Variants in RNFT1 observed in about 807,000 individuals in gnomAD.
RNFT1 encodes the protein ring finger protein, transmembrane 1, also known as E3 ubiquitin-protein ligase RNFT1.
A neutral mutation model predicts 53.2 loss-of-function variants in RNFT1; 35 were observed. The ratio of observed to expected loss-of-function variants is 0.66; its 90% CI spans 0.50 to 0.87. RNFT1 has a LOEUF of 0.87. Ranked by LOEUF, RNFT1 falls within the 40% of genes least tolerant of loss-of-function variation. RNFT1 has a pLI of 0.00. For missense variants in RNFT1, 421 were observed against 515.0 expected (o/e 0.82, Z 1.77); for synonymous variants, 141 against 172.8 (o/e 0.82, Z 1.44).
intron 1 of RNFT1, among the ~76,000 whole-genome samples, chr17:59,964,080 ATCTC>A (rs1197558672): frequency 6.6e-6 from 1 of 152,082 alleles, no homozygotes; most frequent in South Asian, 2.1e-4. Context: ...GCAGAGAAAG[ATCTC>A]TCTAATAAAT....
intron 7 of RNFT1, among the ~76,000 whole-genome samples, chr17:59,954,364 T>C (rs1027306580): frequency 2.0e-5 from 3 of 152,194 alleles, no homozygotes; most frequent in East Asian, 3.8e-4. Flanking sequence ...TTTTGAAAGA[T>C]TGTTAGATCT....
chr17:59,959,411 C>T (rs768699257), intron 4 of RNFT1: 1 of 152,160 alleles, frequency 6.6e-6, no homozygotes, highest in African/African-American at 2.4e-5. Flanking sequence ...GCTGAAAATT[C>T]AGAATACTCC....
chr17:59,958,391 CA>C lies in RNFT1; in HGVS notation c.745del (p.Trp249GlyfsTer10). The C allele has an allele frequency of 6.2e-7, 1 of 1,600,648 alleles. No homozygotes were observed. The highest frequency in any genetic ancestry group is 1.8e-5 in the Admixed American group (1 of 56,404). ...AATGAAGTCTGTAATTCCAACAATCCAAAATACTTCCCAGAAGCTCAAATGG... is the reference window on the plus strand; with the variant it reads ...AATGAAGTCTGTAATTCCAACAATCCAAATACTTCCCAGAAGCTCAAATGG... ...LDHLSFWEVF[W>X]IVGITDFILK... is the part of the protein sequence containing the mutation. On this transcript the variant is annotated frameshift_variant, in exon 5 of 9. Transcript: ENST00000305783. LOFTEE classifies it high-confidence loss of function.
At chr17:59,958,868 GAAT>G (rs2145117480) in intron 4 of RNFT1, among the ~76,000 whole-genome samples, 1 of 152,180 alleles carries the variant, frequency 6.6e-6, no homozygotes, top group East Asian at 1.9e-4. Flanking sequence ...TTCCCTCCCT[GAAT>G]AATTTTCTTT....
At chr17:59,955,090 C>T (rs1019475944) in intron 7 of RNFT1, among the ~76,000 whole-genome samples, 1 of 152,168 alleles carries the variant, frequency 6.6e-6, no homozygotes, top group Admixed American at 6.5e-5. Context: ...CAGTCACGGT[C>T]ATGAGGGTAA....
In RNFT1 at chr17:59,958,407, A is replaced by G. The variant is rs1201747604; in HGVS notation, c.730T>C (p.Phe244Leu). Residue 244 changes from phenylalanine (F) to leucine (L), a missense_variant, in exon 5 of 9, where the codon TTC (phenylalanine) becomes CTC (leucine). Physicochemically the swap from Phe to Leu is conservative, Grantham distance 22. Coordinates refer to ENST00000305783, the MANE Select transcript of RNFT1 (RefSeq NM_016125.4). ...FLNPTLDHLS[F>L]WEVFWIVGIT... Reference sequence around the variant, plus strand: ...CCAACAATCCAAAATACTTCCCAGAAGCTCAAATGGTCCAAAGTAGGATTT... The same window carrying G: ...CCAACAATCCAAAATACTTCCCAGAGGCTCAAATGGTCCAAAGTAGGATTT... 6.3e-7 allele frequency: 1 copy of G among 1,594,468 alleles called. No homozygotes were observed. Among genetic ancestry groups the G allele is most frequent in the Non-Finnish European group, 8.5e-7 (1 of 1,175,394 alleles).
intron 5 of RNFT1, among the ~76,000 whole-genome samples, chr17:59,957,881 A>ATC (rs2045264001): frequency 6.6e-6 from 1 of 152,104 alleles, no homozygotes; most frequent in South Asian, 2.1e-4. Context: ...ATACAATGAG[A>ATC]ATGTTTTATG....
At chr17:59,963,323 A>C in intron 1 of RNFT1, 39 bp from the exon 2 acceptor site, 2 of 1,545,942 alleles carry the variant, frequency 1.3e-6, no homozygotes, top group South Asian at 1.1e-5. Context: ...GTAAACAGGC[A>C]GTTAAATACC....
intron 7 of RNFT1, among the ~76,000 whole-genome samples, chr17:59,955,311 T>G (rs1435566983): frequency 6.6e-6 from 1 of 152,152 alleles, no homozygotes; most frequent in Non-Finnish European, 1.5e-5. Flanking sequence ...TTTAGCAAAG[T>G]ACATTTGCAG....
At position 59,952,754 on chromosome 17, in the gene RNFT1, G is replaced by C. The variant is rs2045228934; in HGVS notation, c.*223C>G. 2 of 354,308 alleles carry C rather than the reference G, an allele frequency of 5.6e-6. No homozygotes were observed. Among genetic ancestry groups the C allele is most frequent in the East Asian group, 4.4e-5 (1 of 22,752 alleles). The allele number at this position is 354,308 out of a possible 1,614,324, so 21.9% of individuals were successfully genotyped here. A position where few individuals can be genotyped will look rare whatever the true frequency, so the allele number is the denominator to read the frequency against. On this transcript the variant is annotated 3_prime_UTR_variant, in exon 9 of 9. Transcript: ENST00000305783. ...ACTGCAGTTACCTGTCAAATAATTA[G>C]AATAGAATAAATGTTGCATATACAT...
chr17:59,956,754 A>C (rs2045256684), intron 6 of RNFT1, among the ~76,000 whole-genome samples: 1 of 152,238 alleles, frequency 6.6e-6, no homozygotes, highest in African/African-American at 2.4e-5. Context: ...ACATTTAAAC[A>C]CCTAGAGTAA....
Position 59,957,277 on chromosome 17 carries a change from C to G in RNFT1, c.952G>C (p.Val318Leu). Residue 318 changes from valine to leucine, a missense_variant, in exon 6 of 9, where the codon GTA becomes CTA. By Grantham distance (32) the Val-to-Leu change is conservative. Coordinates refer to ENST00000305783, the MANE Select transcript of RNFT1 (RefSeq NM_016125.4). ...AGTATCCCAAGACTCCATCTAGTTACGTTACCAAACTCCCCATAGCTTATA... is the reference window on the plus strand; with the variant it reads ...AGTATCCCAAGACTCCATCTAGTTAGGTTACCAAACTCCCCATAGCTTATA... ...YLISYGEFGN[V>L]TRWSLGILLA... is the part of the protein sequence containing the mutation. 1.9e-6 allele frequency: 3 copies of G among 1,613,862 alleles called. No homozygotes were observed. The highest frequency in any genetic ancestry group is 1.1e-5 in the South Asian group (1 of 91,062).
chr17:59,963,971 C>A (rs1217217007), intron 1 of RNFT1, among the ~76,000 whole-genome samples: 1 of 152,132 alleles, frequency 6.6e-6, no homozygotes, highest in African/African-American at 2.4e-5. Flanking sequence ...CTAGGTAACT[C>A]TTTAGTCTGA....
Position 59,963,034 on chromosome 17 carries a change from CA to C in RNFT1, c.306del (p.Val103SerfsTer23). 1 of 1,614,216 alleles carries C rather than the reference CA, an allele frequency of 6.2e-7. No homozygotes were observed. On this transcript the variant is annotated frameshift_variant, in exon 2 of 9. Transcript: ENST00000305783. LOFTEE classifies it high-confidence loss of function. ...ACACATCCATGGGCACAGCTATGGA[CA>C]CCTGACCTTATATTTCTGGAGCTTG... is the stretch of plus-strand genomic sequence containing the variant. Reference protein sequence around the residue: ...ENASSRNIRSGVHSCAHGCVH... With the variant: ...ENASSRNIRSXVHSCAHGCVH...
chr17:59,960,437 C>CAAAAA (rs11406596), intron 3 of RNFT1, among the ~76,000 whole-genome samples: 9 of 68,110 alleles, frequency 1.3e-4, no homozygotes, highest in South Asian at 6.1e-4. Flanking sequence ...AGTCTTCTCT[C>CAAAAA]AAAAAAAAAA....
Position 59,960,156 on chromosome 17 carries a change from T to C in RNFT1, c.604A>G (p.Lys202Glu). The C allele has an allele frequency of 3.7e-6, 6 of 1,603,680 alleles. No individual in the cohort carries two copies. Among genetic ancestry groups the C allele is most frequent in the African/African-American group, 1.3e-5 (1 of 74,466 alleles). ...ACCAGTAACCAAGCACACTGAATCT[T>C]TGAGGACCTTTCCTGAAAGATAAAC... ...NQVFLRERSS[K>E]IQCAWLLVFL... Residue 202 changes from lysine to glutamate, a missense_variant, in exon 4 of 9, where the codon AAG becomes GAG. By Grantham distance (56) the Lys-to-Glu change is moderately conservative. Coordinates refer to ENST00000305783, the MANE Select transcript of RNFT1 (RefSeq NM_016125.4).
Position 59,957,253 on chromosome 17 carries a change from G to T in RNFT1, c.976C>A (p.Leu326Met). The change falls in exon 6 of 9, where the codon CTG becomes ATG. Residue 326 changes from leucine (L) to methionine (M), a missense_variant. Physicochemically the swap from Leu to Met is conservative, Grantham distance 15. Transcript: ENST00000305783. ...AATATGAGGTAGAGTAAAGCCAGCA[G>T]TATCCCAAGACTCCATCTAGTTACG... The part of the protein sequence containing the change: ...GNVTRWSLGI[L>M]LALLYLILKL... The T allele has an allele frequency of 6.2e-7, 1 of 1,613,444 alleles. No individual in the cohort carries two copies.
chr17:59,953,287 C>T (rs912023430), intron 8 of RNFT1, among the ~76,000 whole-genome samples, 176 bp from the exon 9 acceptor site: 12 of 152,052 alleles, frequency 7.9e-5, no homozygotes, highest in Admixed American at 7.2e-4. Flanking sequence ...CCTCCGCCCC[C>T]GACTGGTTCA....
rs1210224007 is a variant in RNFT1, at chr17:59,952,526, TAAG to T, written c.*448_*450del. On this transcript the variant is annotated 3_prime_UTR_variant, in exon 9 of 9. Transcript: ENST00000305783. Reference sequence around the variant, plus strand: ...AAAAATACAAATTTTATGAAAATATTAAGAATTTTTAGGATGGGAATTATAAAA... The same window carrying T: ...AAAAATACAAATTTTATGAAAATATTAATTTTTAGGATGGGAATTATAAAA... 1 of 152,532 alleles carries T rather than the reference TAAG, an allele frequency of 6.6e-6. No homozygotes were observed. The highest frequency in any genetic ancestry group is 1.5e-5 in the Non-Finnish European group (1 of 68,134). 9.4% of individuals were successfully genotyped at this position (152,532 alleles called of 1,614,324 possible).
Sources: gnomAD v4.1 joint callset for allele counts (sites outside exome capture counted in the v4.1 genomes callset) on GRCh38, gnomAD v4.1.1 for gene constraint, MANE v1.5 for transcripts, NCBI Gene and HGNC (gene_info 2026-07-23, HGNC 2026-07-21) for gene names.